Variants in SLC24A2 observed in about 807,000 individuals in gnomAD.
The protein encoded by SLC24A2 is solute carrier family 24 member 2.
Under a neutral mutation model 62.0 loss-of-function variants are expected in SLC24A2, and 36 were observed. The ratio of observed to expected loss-of-function variants is 0.58; its 90% confidence interval spans 0.44 to 0.77. The LOEUF is 0.77. SLC24A2 is among the 30% of genes least tolerant of loss of function. The pLI is 0.00. For synonymous variants in SLC24A2, 358 were observed against 294.0 expected (o/e 1.22, Z -2.23); for missense variants, 846 against 817.9 (o/e 1.03, Z -0.42).
At chr9:19,764,350 A>G (rs1339351975) in intron 2 of SLC24A2, among the ~76,000 whole-genome samples, 1 of 151,378 alleles carries the variant, frequency 6.6e-6, no homozygotes, top group East Asian at 1.9e-4. Context: ...CTGGCTTTTG[A>G]ATTTGTTTGC....
chr9:19,528,133 C>G lies in SLC24A2; in HGVS notation c.1485G>C (p.Ser495=), dbSNP rs141062533. ...ITLPDVRKPS[S]RKFFPITFFG... ...AGAACGTGATGGGAAAAAACTTCCT[C>G]GATGACTGAAAGACAACCAGGAAGA... is the stretch of plus-strand genomic sequence containing the variant. The change falls in exon 9 of 11, where the codon TCG becomes TCC. Residue 495 remains serine, a synonymous_variant. Transcript: ENST00000341998. 3.8e-6 allele frequency: 6 copies of G among 1,576,020 alleles called. No individual in the cohort carries two copies. The African/African-American group carries it at 6.7e-5, about 18-fold the overall frequency.
At chr9:19,561,620 G>C (rs931279643) in intron 7 of SLC24A2, among the ~76,000 whole-genome samples, 1 of 151,722 alleles carries the variant, frequency 6.6e-6, no homozygotes, top group African/African-American at 2.4e-5. Context: ...ATTTTTAGTA[G>C]AGATGGGATT....
At chr9:20,035,301 G>C in the SLC24A2 span, among the ~76,000 whole-genome samples, 1 of 152,278 alleles carries the variant, frequency 6.6e-6, no homozygotes, top group African/African-American at 2.4e-5. Context: ...AAGCACTATA[G>C]TGTCCATTAT....
At chr9:19,851,425 C>G in the SLC24A2 span, among the ~76,000 whole-genome samples, 1 of 152,044 alleles carries the variant, frequency 6.6e-6, no homozygotes, top group Non-Finnish European at 1.5e-5. Flanking sequence ...TTTGTTGCAC[C>G]TGTCAACCCA....
the SLC24A2 span, among the ~76,000 whole-genome samples, chr9:20,091,191 A>G: frequency 6.6e-6 from 1 of 152,136 alleles, no homozygotes; most frequent in Admixed American, 6.5e-5. Flanking sequence ...AAAACCTCCG[A>G]GAAATATGGG....
intron 2 of SLC24A2, among the ~76,000 whole-genome samples, chr9:19,639,530 C>A (rs923694454): frequency 1.5e-4 from 23 of 152,228 alleles, no homozygotes; most frequent in Non-Finnish European, 2.9e-4. Flanking sequence ...ATCATCTGGT[C>A]AGAGGACAGA....
At chr9:20,151,299 T>A in the SLC24A2 span, among the ~76,000 whole-genome samples, 1 of 151,908 alleles carries the variant, frequency 6.6e-6, no homozygotes, top group Non-Finnish European at 1.5e-5. Flanking sequence ...TTGGTAGGAT[T>A]TTATAGATCT....
At chr9:19,859,666 A>G in the SLC24A2 span, among the ~76,000 whole-genome samples, 1 of 152,208 alleles carries the variant, frequency 6.6e-6, no homozygotes, top group Non-Finnish European at 1.5e-5. Flanking sequence ...CCTGGTTTTA[A>G]TTTCATATTA....
intron 2 of SLC24A2, among the ~76,000 whole-genome samples, chr9:19,733,156 T>C (rs1821389330): frequency 6.6e-6 from 1 of 152,042 alleles, no homozygotes; most frequent in African/African-American, 2.4e-5. Flanking sequence ...TTTCCAGAAC[T>C]ACTGCCCTTT....
chr9:19,947,348 G>A, the SLC24A2 span, among the ~76,000 whole-genome samples: 2 of 148,450 alleles, frequency 1.3e-5, no homozygotes, highest in African/African-American at 2.5e-5. Flanking sequence ...TGTGGCTGCC[G>A]GAAGGAAGGA....
the SLC24A2 span, among the ~76,000 whole-genome samples, chr9:20,207,399 C>T: frequency 1.3e-5 from 2 of 152,206 alleles, no homozygotes; most frequent in Non-Finnish European, 2.9e-5. Flanking sequence ...CACTCTTGAT[C>T]TTTGTCCTTA....
chr9:19,634,429 C>A (rs1466193615), intron 2 of SLC24A2, among the ~76,000 whole-genome samples: 1 of 152,024 alleles, frequency 6.6e-6, no homozygotes, highest in African/African-American at 2.4e-5. Context: ...GCTGGGAATA[C>A]AGGCATGCGC....
At chr9:19,734,788 T>A (rs971784674) in intron 2 of SLC24A2, among the ~76,000 whole-genome samples, 2 of 60,866 alleles carry the variant, frequency 3.3e-5, no homozygotes, top group Non-Finnish European at 5.5e-5. Flanking sequence ...TGGGCTGAGA[T>A]GATGGGTTTT....
the SLC24A2 span, among the ~76,000 whole-genome samples, chr9:20,106,466 C>A: frequency 6.6e-6 from 1 of 152,074 alleles, no homozygotes; most frequent in Admixed American, 6.6e-5. Flanking sequence ...ACTGGCAAAC[C>A]GAATCCAGCA....
intron 5 of SLC24A2, among the ~76,000 whole-genome samples, chr9:19,578,133 C>T (rs929240263): frequency 2.6e-5 from 4 of 151,568 alleles, no homozygotes; most frequent in Admixed American, 1.3e-4. Flanking sequence ...AAATATGGTG[C>T]AGTGTACATA....
chr9:20,188,181 G>T, the SLC24A2 span, among the ~76,000 whole-genome samples: 1 of 152,184 alleles, frequency 6.6e-6, no homozygotes, highest in East Asian at 1.9e-4. Flanking sequence ...ATGCGACAAG[G>T]TGCATCCCCA....
At chr9:19,781,411 G>C (rs1470005071) in intron 2 of SLC24A2, among the ~76,000 whole-genome samples, 2 of 152,158 alleles carry the variant, frequency 1.3e-5, no homozygotes, top group Admixed American at 1.3e-4. Flanking sequence ...GGTGACTCCA[G>C]TTCTCTAGGA....
At chr9:19,652,367 G>C (rs1054758426) in intron 2 of SLC24A2, among the ~76,000 whole-genome samples, 1 of 152,170 alleles carries the variant, frequency 6.6e-6, no homozygotes, top group Admixed American at 6.5e-5. Flanking sequence ...ATGTGATTAA[G>C]TTAAGGATCT....
At chr9:20,232,508 G>A in the SLC24A2 span, among the ~76,000 whole-genome samples, 4 of 152,088 alleles carry the variant, frequency 2.6e-5, no homozygotes, top group East Asian at 3.8e-4. Context: ...TCTAGATTTT[G>A]TAGTTTATTT....
Sources: allele counts gnomAD v4.1 joint callset (sites outside exome capture counted in the v4.1 genomes callset), GRCh38; gene constraint gnomAD v4.1.1; transcripts MANE v1.5; gene names NCBI Gene and HGNC (gene_info 2026-07-23, HGNC 2026-07-21).